The following SGIP1 variants were observed in gnomAD, a reference collection of about 807,000 sequenced individuals.
SGIP1 encodes SH3GL interacting endocytic adaptor 1.
Under a neutral mutation model 107.5 loss-of-function variants are expected in SGIP1, and 38 were observed. That is an observed-to-expected ratio of 0.35 (90% CI 0.27 to 0.46). The LOEUF (loss-of-function observed/expected upper bound fraction) is 0.46, where lower values mean the gene tolerates loss of function less well. Among genes scored for constraint, SGIP1 ranks in the 20% least tolerant of loss-of-function variants. The probability of loss-of-function intolerance (pLI) is 1.00; values close to 1 mark genes in which losing one functional copy is unlikely to be tolerated. For synonymous variants in SGIP1, 365 were observed against 366.1 expected (o/e 1.00, Z 0.03); for missense variants, 929 against 1,019.5 (o/e 0.91, Z 1.21).
chr1:66,612,103 G>T (rs2068151427), intron 1 of SGIP1, among the ~76,000 whole-genome samples: 1 of 152,160 alleles, frequency 6.6e-6, no homozygotes, highest in South Asian at 2.1e-4. Flanking sequence ...ACCTCAGGCT[G>T]CTTCCACTCC....
At chr1:66,669,149 C>T (rs1390997973) in intron 9 of SGIP1, among the ~76,000 whole-genome samples, 1 of 152,180 alleles carries the variant, frequency 6.6e-6, no homozygotes, top group Non-Finnish European at 1.5e-5. Context: ...TTGAATATTT[C>T]TGCCATGTTT....
At chr1:66,716,658 G>T (rs1055090899) in intron 18 of SGIP1, among the ~76,000 whole-genome samples, 4 of 152,048 alleles carry the variant, frequency 2.6e-5, no homozygotes, top group Non-Finnish European at 5.9e-5. Context: ...TCTAACCCCA[G>T]TTCCAGGACC....
chr1:66,660,329 T>C (rs1462669969), intron 7 of SGIP1, among the ~76,000 whole-genome samples, 184 bp from the exon 8 acceptor site: 1 of 151,946 alleles, frequency 6.6e-6, no homozygotes, highest in Non-Finnish European at 1.5e-5. Flanking sequence ...CTCTGTAGCT[T>C]GAACTAAAGA....
chr1:66,607,293 A>G (rs2312154), intron 1 of SGIP1, among the ~76,000 whole-genome samples: 67,150 of 152,050 alleles, frequency 0.44, 14,958 homozygotes, highest in East Asian at 0.53. Flanking sequence ...CAGGACTTGG[A>G]GTTTTATCAC....
At chr1:66,601,750 T>G (rs547100715) in intron 1 of SGIP1, among the ~76,000 whole-genome samples, 1 of 152,306 alleles carries the variant, frequency 6.6e-6, no homozygotes, top group East Asian at 1.9e-4. Context: ...AAATACCTAT[T>G]CTTCCTGTAT....
At chr1:66,657,543 C>A (rs980658101) in intron 7 of SGIP1, among the ~76,000 whole-genome samples, 3 of 152,178 alleles carry the variant, frequency 2.0e-5, no homozygotes, top group Non-Finnish European at 4.4e-5. Flanking sequence ...TGAGTGCATA[C>A]TTGCATTTTA....
intron 1 of SGIP1, among the ~76,000 whole-genome samples, chr1:66,581,960 A>G (rs113694778): frequency 2.0e-5 from 3 of 152,104 alleles, no homozygotes; most frequent in African/African-American, 7.2e-5. Context: ...AAATTATACA[A>G]AAAGAAAAGG....
chr1:66,580,443 C>A (rs1867631), intron 1 of SGIP1, among the ~76,000 whole-genome samples: 56,930 of 151,926 alleles, frequency 0.37, 11,433 homozygotes, highest in African/African-American at 0.52. Context: ...TTGAGCATAC[C>A]ACCTAAAATA....
intron 8 of SGIP1, among the ~76,000 whole-genome samples, chr1:66,663,517 G>A (rs1442721610): frequency 2.6e-5 from 4 of 152,062 alleles, no homozygotes; most frequent in African/African-American, 4.8e-5. Flanking sequence ...GCTCTTCGGT[G>A]GTGGTAACTG....
At chr1:66,649,452 C>T (rs966560942) in intron 7 of SGIP1, among the ~76,000 whole-genome samples, 1 of 152,138 alleles carries the variant, frequency 6.6e-6, no homozygotes, top group Admixed American at 6.6e-5. Flanking sequence ...GACAAACAAA[C>T]AGCTACCTTA....
chr1:66,556,252 GC>G (rs781248499), intron 1 of SGIP1, among the ~76,000 whole-genome samples: 8 of 152,154 alleles, frequency 5.3e-5, no homozygotes, highest in Admixed American at 3.3e-4. Flanking sequence ...TTGTGTTTTG[GC>G]CCTCAGTGAT....
intron 1 of SGIP1, among the ~76,000 whole-genome samples, chr1:66,576,409 C>T (rs184266449): frequency 1.8e-4 from 27 of 152,224 alleles, no homozygotes; most frequent in Admixed American, 7.8e-4. Context: ...CTGGCTGAGC[C>T]GCATAAAAGC....
chr1:66,719,251 T>C, intron 18 of SGIP1, 43 bp from the exon 19 acceptor site: 1 of 1,313,772 alleles, frequency 7.6e-7, no homozygotes, highest in Non-Finnish European at 1.1e-6. Flanking sequence ...TACTAAAGTG[T>C]CTCCTATTTT....
intron 21 of SGIP1, among the ~76,000 whole-genome samples, chr1:66,738,295 T>C (rs886986645): frequency 9.2e-5 from 14 of 152,192 alleles, no homozygotes; most frequent in Admixed American, 9.2e-4. Flanking sequence ...TCCATGGTGA[T>C]CATATGTGCA....
At chr1:66,577,985 A>G (rs1221601474) in intron 1 of SGIP1, among the ~76,000 whole-genome samples, 2 of 152,214 alleles carry the variant, frequency 1.3e-5, no homozygotes, top group African/African-American at 4.8e-5. Flanking sequence ...TTGCTCTATT[A>G]AAACCTATTC....
rs1195776303 is a variant in SGIP1 at position 66,682,081 on chromosome 1, C to A, written c.1027C>A (p.Pro343Thr). The A allele has an allele frequency of 1.9e-6, 3 of 1,614,090 alleles. No individual in the cohort carries two copies. Among genetic ancestry groups the A allele is most frequent in the East Asian group, 4.5e-5 (2 of 44,884 alleles). ...GTCCCCACCAGCTACACCAGACAAC[C>A]CAGCTGACTCCCCAGCTCCAGGCCC... ...VVSPPATPDN[P>T]ADSPAPGPLG... Residue 343 changes from proline to threonine, a missense_variant, in exon 15 of 25, where the codon CCA becomes ACA. Physicochemically the swap from Pro to Thr is conservative, Grantham distance 38. Around this residue, in one of 2 missense-constraint regions of SGIP1, gnomAD observed 588 missense variants for 588.6 expected, o/e 1.00. Coordinates refer to ENST00000371037, the MANE Select transcript of SGIP1 (RefSeq NM_032291.4).
At chr1:66,639,711 T>C in intron 4 of SGIP1, 66 bp from the exon 5 acceptor site, 1 of 1,303,550 alleles carries the variant, frequency 7.7e-7, no homozygotes, top group South Asian at 1.2e-5. Flanking sequence ...AAGAGTTAAA[T>C]GTTCTTTGTC....
At chr1:66,622,219 G>T (rs1395746681) in intron 1 of SGIP1, among the ~76,000 whole-genome samples, 1 of 152,130 alleles carries the variant, frequency 6.6e-6, no homozygotes, top group Admixed American at 6.5e-5. Context: ...CCTTGCTGGG[G>T]ATGAAGATAA....
intron 1 of SGIP1, among the ~76,000 whole-genome samples, chr1:66,602,022 C>T (rs1441765946): frequency 6.6e-6 from 1 of 152,170 alleles, no homozygotes; most frequent in Non-Finnish European, 1.5e-5. Context: ...TGCCTAATTC[C>T]TTTACATACA....
Sources: allele counts gnomAD v4.1 joint callset (sites outside exome capture counted in the v4.1 genomes callset), GRCh38; gene constraint gnomAD v4.1.1; regional missense constraint gnomAD v4.1.1; transcripts MANE v1.5; gene names NCBI Gene and HGNC (gene_info 2026-07-23, HGNC 2026-07-21).